The following ANK2 variants were observed in gnomAD, a reference collection of about 807,000 sequenced individuals.
ANK2 encodes the protein ankyrin-2.
ANK2 carries 83 observed loss-of-function variants against 360.5 expected under a neutral mutation model. That is an observed-to-expected ratio of 0.23 (90% confidence interval 0.19 to 0.28). The LOEUF (loss-of-function observed/expected upper bound fraction) is 0.28, where lower values mean the gene tolerates loss of function less well. ANK2 is among the 10% of genes least tolerant of loss of function. The pLI, the probability that ANK2 is intolerant of heterozygous loss-of-function variation, is 1.00. For missense variants in ANK2, 4,201 were observed against 4,795.7 expected (o/e 0.88, Z 3.66); for synonymous variants, 1,740 against 1,759.5 (o/e 0.99, Z 0.28).
rs1346440015 is a variant in ANK2 at position 113,282,804 on chromosome 4, C to A, written c.2011C>A (p.Gln671Lys). The A allele has an allele frequency of 2.5e-6, 4 of 1,614,012 alleles. No homozygotes were observed. The highest frequency in any genetic ancestry group is 3.4e-6 in the Non-Finnish European group (4 of 1,179,944). The change falls in exon 18 of 46, where the codon CAG (glutamine) becomes AAG (lysine). Residue 671 changes from glutamine (Q) to lysine (K), a missense_variant. This residue lies in a region of ANK2 where 1,268 missense variants were observed against 1,650.8 expected (regional missense o/e 0.77). Coordinates refer to ENST00000357077, the MANE Select transcript of ANK2 (RefSeq NM_001148.6). ...QGVTPLHLASQEGHTDMVTLL... is the reference protein window; with the variant it reads ...QGVTPLHLASKEGHTDMVTLL... Reference sequence around the variant, plus strand: ...AGTAACTCCACTCCATCTGGCCTCGCAGGAGGGGCACACAGATATGGTTAC... The same window carrying A: ...AGTAACTCCACTCCATCTGGCCTCGAAGGAGGGGCACACAGATATGGTTAC...
At chr4:112,983,211 C>T (rs553212578) in intron 2 of ANK2, among the ~76,000 whole-genome samples, 23 of 152,096 alleles carry the variant, frequency 1.5e-4, no homozygotes, top group African/African-American at 3.6e-4. Flanking sequence ...ACATTGTTAA[C>T]GTATTTCATT....
intron 3 of ANK2, among the ~76,000 whole-genome samples, chr4:113,198,017 T>C (rs1459224339): frequency 6.6e-6 from 1 of 152,208 alleles, no homozygotes; most frequent in African/African-American, 2.4e-5. Context: ...TTTGTCTTTT[T>C]AGTAATAGCC....
chr4:113,162,803 C>T lies in ANK2; in HGVS notation c.85-11613C>T, dbSNP rs1292431496. ...AGGGGATGAATCATGTTTATTTCTTCTACATTCAATCCCTAGCATCTAACA... is the reference window on the plus strand; with the variant it reads ...AGGGGATGAATCATGTTTATTTCTTTTACATTCAATCCCTAGCATCTAACA... On this transcript the variant is annotated intron_variant, in intron 1 of 45. Coordinates refer to ENST00000357077, the MANE Select transcript of ANK2 (RefSeq NM_001148.6). Among the ~76,000 whole-genome samples the T allele has an allele frequency of 2.8e-5, 4 of 141,520 alleles. No individual in the cohort carries two copies. The Admixed American group carries it at 2.9e-4, about 10-fold the overall frequency. The allele number at this position is 141,520 out of a possible 152,430, so 92.8% of individuals were successfully genotyped here.
rs1385688410 is a variant in ANK2, at chr4:113,311,261, A to T, written c.2555A>T (p.Asp852Val). ...VLDVSDEEGDDTMTGDGGEYL... is the reference protein window; with the variant it reads ...VLDVSDEEGDVTMTGDGGEYL... The stretch of plus-strand genomic sequence containing the variant: ...TTCCTCTGATTGTTTCAAGGTGATG[A>T]CACAATGACTGGTGATGGGGGAGAA... Residue 852 changes from aspartate to valine, a missense_variant, in exon 24 of 46, where the codon GAC becomes GTC. Transcript: ENST00000357077. The T allele has an allele frequency of 6.2e-7, 1 of 1,614,032 alleles. No homozygotes were observed. Among genetic ancestry groups the T allele is most frequent in the Non-Finnish European group, 8.5e-7 (1 of 1,180,030 alleles).
chr4:112,749,913 T>G, the ANK2 span, among the ~76,000 whole-genome samples: 4 of 151,954 alleles, frequency 2.6e-5, no homozygotes, highest in Admixed American at 1.3e-4. Flanking sequence ...GCCCAGCTAA[T>G]TTTTGTATTT....
intron 1 of ANK2, among the ~76,000 whole-genome samples, chr4:112,859,666 G>T (rs140575552): frequency 6.6e-6 from 1 of 152,234 alleles, no homozygotes; most frequent in African/African-American, 2.4e-5. Context: ...CTGTTCAGGA[G>T]CAAGTCTGTG....
chr4:112,909,581 A>G (rs2086385266), intron 2 of ANK2, among the ~76,000 whole-genome samples: 1 of 152,272 alleles, frequency 6.6e-6, no homozygotes, highest in East Asian at 1.9e-4. Flanking sequence ...ATGGTTTATA[A>G]TCTACATTAA....
chr4:112,964,889 C>T (rs955816865), intron 2 of ANK2, among the ~76,000 whole-genome samples: 2 of 152,042 alleles, frequency 1.3e-5, no homozygotes, highest in African/African-American at 4.8e-5. Context: ...TTTTCTTTGT[C>T]CATTAATCTG....
intron 2 of ANK2, among the ~76,000 whole-genome samples, chr4:112,997,184 T>C (rs185959791): frequency 1.3e-5 from 2 of 152,286 alleles, no homozygotes; most frequent in East Asian, 3.9e-4. Flanking sequence ...GAAATATGTA[T>C]GCACTGTGGA....
chr4:112,820,073 A>G (rs2149509442), intron 1 of ANK2, among the ~76,000 whole-genome samples: 1 of 152,338 alleles, frequency 6.6e-6, no homozygotes, highest in South Asian at 2.1e-4. Context: ...GGGTGAAGAT[A>G]CCCATTTATG....
intron 22 of ANK2, among the ~76,000 whole-genome samples, chr4:113,300,777 A>G (rs1301023398): frequency 1.3e-5 from 2 of 152,224 alleles, no homozygotes; most frequent in South Asian, 2.1e-4. Context: ...ACACGATCGT[A>G]GCATGGAATG....
chr4:113,007,781 G>C (rs781028000), intron 2 of ANK2, among the ~76,000 whole-genome samples: 1 of 152,130 alleles, frequency 6.6e-6, no homozygotes, highest in Non-Finnish European at 1.5e-5. Context: ...ACACGTATTA[G>C]CCTTCTCACT....
rs557950582 is a variant in ANK2, at chr4:113,275,937, GT to G, written c.1683+1310del. On this transcript the variant is annotated intron_variant, in intron 15 of 45. Coordinates refer to ENST00000357077, the MANE Select transcript of ANK2 (RefSeq NM_001148.6). Reference sequence around the variant, plus strand: ...AAAATAGAATAAAATGTTAAACAGTGTTTTTTTTTTTTTTTTTTTTTTGAGA... The same window carrying G: ...AAAATAGAATAAAATGTTAAACAGTGTTTTTTTTTTTTTTTTTTTTTGAGA... Among the ~76,000 whole-genome samples, 889 of 118,838 alleles carry G rather than the reference GT, an allele frequency of 7.5e-3. 2 individuals are homozygous for G. Among genetic ancestry groups the G allele is most frequent in the African/African-American group, 0.018 (551 of 30,740 alleles). The allele number at this position is 118,838 out of a possible 152,430, so 78.0% of individuals were successfully genotyped here. A position where few individuals can be genotyped will look rare whatever the true frequency, so the allele number is the denominator to read the frequency against.
At chr4:112,902,146 A>C (rs939119483) in intron 1 of ANK2, among the ~76,000 whole-genome samples, 2 of 152,222 alleles carry the variant, frequency 1.3e-5, no homozygotes, top group African/African-American at 2.4e-5. Flanking sequence ...TTTCAGTTTC[A>C]AAAGGAAATA....
intron 1 of ANK2, among the ~76,000 whole-genome samples, chr4:112,842,139 A>G (rs1490577275): frequency 1.3e-5 from 2 of 151,822 alleles, no homozygotes; most frequent in Non-Finnish European, 2.9e-5. Context: ...CCTCCCCAGT[A>G]GCTGGAATTA....
chr4:112,840,155 G>T (rs1229480547), intron 1 of ANK2, among the ~76,000 whole-genome samples: 1 of 152,108 alleles, frequency 6.6e-6, no homozygotes, highest in Non-Finnish European at 1.5e-5. Flanking sequence ...AATTAACAGG[G>T]TTTCCCAGTG....
intron 2 of ANK2, among the ~76,000 whole-genome samples, chr4:113,010,389 ATG>A (rs1457337624): frequency 6.6e-6 from 1 of 152,160 alleles, no homozygotes; most frequent in Non-Finnish European, 1.5e-5. Context: ...ATTTTAATGT[ATG>A]TATGTTTTAA....
chr4:112,857,446 G>C (rs1226124293), intron 1 of ANK2, among the ~76,000 whole-genome samples: 1 of 151,982 alleles, frequency 6.6e-6, no homozygotes, highest in Non-Finnish European at 1.5e-5. Context: ...CTAGCACCAA[G>C]GACAGGTGTT....
chr4:113,251,863 A>G (rs1202550566), intron 10 of ANK2, among the ~76,000 whole-genome samples: 2 of 152,064 alleles, frequency 1.3e-5, no homozygotes, highest in African/African-American at 4.8e-5. Context: ...AAAAATAGAG[A>G]TATGTATAGG....
Sources: allele counts gnomAD v4.1 joint callset (sites outside exome capture counted in the v4.1 genomes callset), GRCh38; gene constraint gnomAD v4.1.1; regional missense constraint gnomAD v4.1.1; transcripts MANE v1.5; gene names NCBI Gene and HGNC (gene_info 2026-07-23, HGNC 2026-07-21).